ATP10B: variants seen among roughly 807,000 people sequenced by gnomAD.
ATP10B encodes phospholipid-transporting ATPase VB.
A neutral mutation model predicts 141.2 loss-of-function variants in ATP10B; 122 were observed. The observed-to-expected ratio is 0.86, with a 90% CI of 0.75 to 1.00. ATP10B has a LOEUF of 1.00. Among genes scored for constraint, ATP10B ranks in the 50% least tolerant of loss-of-function variants. ATP10B has a pLI of 0.00. For synonymous variants in ATP10B, 685 were observed against 692.0 expected, an observed-to-expected ratio of 0.99 and a Z score of 0.16; for missense variants, 1,876 against 1,825.3, an observed-to-expected ratio of 1.03 and a Z score of -0.51.
At chr5:160,752,257 C>A (rs1171279089) in intron 2 of ATP10B, among the ~76,000 whole-genome samples, 2 of 147,590 alleles carry the variant, frequency 1.4e-5, no homozygotes, top group Non-Finnish European at 3.0e-5. Flanking sequence ...CCCTTTGTAG[C>A]TTCTCACTGG....
At chr5:160,716,540 C>G (rs530279559) in intron 3 of ATP10B, among the ~76,000 whole-genome samples, 1 of 152,112 alleles carries the variant, frequency 6.6e-6, no homozygotes, top group Non-Finnish European at 1.5e-5. Context: ...ATAAAACAAA[C>G]AGAATGCTAG....
At chr5:160,832,990 C>T (rs549188551) in intron 1 of ATP10B, among the ~76,000 whole-genome samples, 8 of 152,130 alleles carry the variant, frequency 5.3e-5, no homozygotes, top group Middle Eastern at 3.4e-3. Flanking sequence ...GTGCCAAGTG[C>T]GTAGTGTTAA....
At chr5:160,864,956 C>T in the ATP10B span, among the ~76,000 whole-genome samples, 3 of 152,080 alleles carry the variant, frequency 2.0e-5, no homozygotes, top group African/African-American at 2.4e-5. Context: ...ATCCCATGCT[C>T]ATGGATGGGT....
At chr5:160,848,190 A>G (rs1776240569) in intron 1 of ATP10B, among the ~76,000 whole-genome samples, 1 of 152,212 alleles carries the variant, frequency 6.6e-6, no homozygotes, top group Admixed American at 6.5e-5. Context: ...CAAATGAAGA[A>G]TCTGAAGCCC....
chr5:160,620,306 A>G lies in ATP10B; in HGVS notation c.2416+41T>C, dbSNP rs373515633. 1.6e-4 allele frequency: 244 copies of G among 1,563,036 alleles called. No homozygotes were observed. In the African/African-American group the frequency reaches 3.0e-3, roughly 19 times the overall value. Reference sequence around the variant, plus strand: ...CATTCCACACTGCTTCTTAAACTATAGAACTCTCTGTGCCTGGAACCCTGG... The same window carrying G: ...CATTCCACACTGCTTCTTAAACTATGGAACTCTCTGTGCCTGGAACCCTGG... On this transcript the variant is annotated intron_variant, in intron 15 of 25. Transcript: ENST00000327245.
intron 2 of ATP10B, among the ~76,000 whole-genome samples, chr5:160,740,062 A>G (rs894014131): frequency 3.3e-5 from 5 of 152,232 alleles, no homozygotes; most frequent in Admixed American, 1.3e-4. Context: ...AGCAAACACC[A>G]TAGTCACCAT....
At chr5:160,904,645 G>A in the ATP10B span, among the ~76,000 whole-genome samples, 2 of 152,190 alleles carry the variant, frequency 1.3e-5, no homozygotes, top group African/African-American at 4.8e-5. Flanking sequence ...AAAGGGATGA[G>A]CAGATTCTTG....
rs1561641154 is a variant in ATP10B at position 160,598,878 on chromosome 5, GAGA to G, written c.3453_3455del (p.Leu1152del). 6.2e-7 allele frequency: 1 copy of G among 1,614,168 alleles called. No homozygotes were observed. The highest frequency in any genetic ancestry group is 1.1e-5 in the South Asian group (1 of 91,074). On this transcript the variant is annotated inframe_deletion, in exon 22 of 26. Transcript: ENST00000327245. Reference sequence around the variant, plus strand: ...CAAGAGGAGGCAAGGAGGTAAAGAAGAGATTGAAGAATATCATCTGCCAGTAAT... The same window carrying G: ...CAAGAGGAGGCAAGGAGGTAAAGAAGTTGAAGAATATCATCTGCCAGTAAT...
intron 2 of ATP10B, among the ~76,000 whole-genome samples, chr5:160,748,220 A>G (rs1767938837): frequency 6.6e-6 from 1 of 151,338 alleles, no homozygotes; most frequent in Non-Finnish European, 1.5e-5. Flanking sequence ...TGGCCCAGAC[A>G]CCTCCTCTCC....
chr5:160,812,688 T>C (rs1167437726), intron 1 of ATP10B, among the ~76,000 whole-genome samples: 1 of 151,752 alleles, frequency 6.6e-6, no homozygotes, highest in Non-Finnish European at 1.5e-5. Context: ...AGACAGAATA[T>C]TTGAAAATAC....
chr5:160,648,925 G>GT (rs1760492019), intron 8 of ATP10B, among the ~76,000 whole-genome samples: 17 of 82,884 alleles, frequency 2.1e-4, no homozygotes, highest in South Asian at 5.7e-4. Flanking sequence ...ATTTTACTAA[G>GT]GTTTTTTTTT....
intron 1 of ATP10B, among the ~76,000 whole-genome samples, chr5:160,800,307 T>A (rs925395912): frequency 5.9e-5 from 9 of 152,188 alleles, no homozygotes; most frequent in African/African-American, 2.2e-4. Flanking sequence ...ATGGAAATAA[T>A]AAAAATGTCA....
chr5:160,681,097 A>G (rs1763372125), intron 6 of ATP10B, among the ~76,000 whole-genome samples: 1 of 152,162 alleles, frequency 6.6e-6, no homozygotes, highest in South Asian at 2.1e-4. Context: ...GGACACTTGT[A>G]ATGACTTAAG....
intron 1 of ATP10B, among the ~76,000 whole-genome samples, chr5:160,823,623 G>A (rs1017385340): frequency 2.7e-4 from 41 of 152,146 alleles, no homozygotes; most frequent in African/African-American, 9.2e-4. Context: ...TTGGGAGGCC[G>A]AGGTGGGCAG....
the ATP10B span, among the ~76,000 whole-genome samples, chr5:160,883,882 ACAAT>A: frequency 2.0e-5 from 3 of 152,186 alleles, no homozygotes; most frequent in Non-Finnish European, 2.9e-5. Flanking sequence ...GTACAGTTCA[ACAAT>A]CAGTGAACTA....
chr5:160,866,453 C>G, the ATP10B span, among the ~76,000 whole-genome samples: 1 of 152,016 alleles, frequency 6.6e-6, no homozygotes, highest in South Asian at 2.1e-4. Context: ...GCAGGTGGAT[C>G]ACCTGAAGTC....
chr5:160,829,436 CTT>C (rs373178355), intron 1 of ATP10B, among the ~76,000 whole-genome samples: 1 of 151,900 alleles, frequency 6.6e-6, no homozygotes, highest in African/African-American at 2.4e-5. Context: ...TATTTGCACT[CTT>C]TTTTTGGTTT....
At chr5:160,671,599 G>A (rs965989618) in intron 6 of ATP10B, among the ~76,000 whole-genome samples, 3 of 152,122 alleles carry the variant, frequency 2.0e-5, no homozygotes, top group Non-Finnish European at 4.4e-5. Context: ...TTAGAGGGCC[G>A]AAGAAATCTG....
rs1483914562 is a variant in ATP10B, at chr5:160,794,810, TATC to T, written c.-575-9010_-575-9008del. ...TTTCTTATTCCTCTACTTAAAGTAG[TATC>T]ATTGCCAATATACTCTCTCATAGCA... On this transcript the variant is annotated intron_variant, in intron 1 of 25. Transcript: ENST00000327245. Among the ~76,000 whole-genome samples the T allele has an allele frequency of 2.6e-5, 4 of 152,240 alleles. No homozygotes were observed. In the South Asian group the frequency reaches 8.3e-4, roughly 32 times the overall value.
Sources: gnomAD v4.1 joint callset for allele counts (sites outside exome capture counted in the v4.1 genomes callset) on GRCh38, gnomAD v4.1.1 for gene constraint, MANE v1.5 for transcripts, NCBI Gene and HGNC (gene_info 2026-07-23, HGNC 2026-07-21) for gene names.